LMNB1: variants seen among roughly 807,000 people sequenced by gnomAD.
LMNB1 encodes the protein lamin-B1.
Under a neutral mutation model 67.1 loss-of-function variants are expected in LMNB1, and 23 were observed. The ratio of observed to expected loss-of-function variants is 0.34; its 90% CI spans 0.25 to 0.49. The LOEUF is 0.49. LMNB1 is among the 20% of genes least tolerant of loss of function. LMNB1 has a pLI of 0.99. For missense variants in LMNB1, 634 were observed against 746.5 expected, an observed-to-expected ratio of 0.85 and a Z score of 1.76; for synonymous variants, 281 against 282.9, an observed-to-expected ratio of 0.99 and a Z score of 0.07.
chr5:126,794,465 A>C (rs1751039974), intron 1 of LMNB1, among the ~76,000 whole-genome samples: 1 of 152,232 alleles, frequency 6.6e-6, no homozygotes, highest in South Asian at 2.1e-4. Flanking sequence ...ATTTTACTTT[A>C]AATTGAAAAT....
chr5:126,812,425 T>C (rs1317737654), intron 5 of LMNB1, among the ~76,000 whole-genome samples: 1 of 152,260 alleles, frequency 6.6e-6, no homozygotes, highest in African/African-American at 2.4e-5. Flanking sequence ...CATTCGTTGG[T>C]ACGCCTAAGT....
chr5:126,797,657 A>G (rs1751136749), intron 1 of LMNB1, among the ~76,000 whole-genome samples: 1 of 152,194 alleles, frequency 6.6e-6, no homozygotes, highest in Admixed American at 6.5e-5. Flanking sequence ...TTACACTTGG[A>G]CTTTCTACAT....
intron 2 of LMNB1, 112 bp downstream of exon 2, chr5:126,805,044 T>G (rs1172769452): frequency 2.0e-6 from 2 of 1,008,650 alleles, no homozygotes; most frequent in African/African-American, 3.3e-5. Flanking sequence ...TTTTGAAATT[T>G]TATATATTTG....
chr5:126,796,443 A>G (rs1038062117), intron 1 of LMNB1, among the ~76,000 whole-genome samples: 2 of 152,194 alleles, frequency 1.3e-5, no homozygotes, highest in Non-Finnish European at 2.9e-5. Flanking sequence ...AAGTAGTTCA[A>G]TGCAGAAGCC....
In LMNB1 at chr5:126,787,524, G is replaced by GTATATA. The variant is rs1179342923; in HGVS notation, c.359+9675_359+9680dup. 3.0e-3 allele frequency among the ~76,000 whole-genome samples: 261 copies of GTATATA among 87,430 alleles called. 2 individuals carry two copies. In the Middle Eastern group the frequency reaches 0.032, roughly 11 times the overall value. The allele number at this position is 87,430 out of a possible 152,430, so 57.4% of individuals were successfully genotyped here. A position where few individuals can be genotyped will look rare whatever the true frequency, so the allele number is the denominator to read the frequency against. On this transcript the variant is annotated intron_variant, in intron 1 of 10. Transcript: ENST00000261366. ...TTATATATAACGTGTGTGTGTGGGG[G>GTATATA]TATATATATATATATATATATATTT...
In LMNB1 at chr5:126,836,760, T is replaced by A. The variant is rs1228020671; in HGVS notation, c.*496T>A. Reference sequence around the variant, plus strand: ...TGTAATAAGCAATCAAGGTTATAATTTTTTTTAAAATAGAAATTTTGTAAG... The same window carrying A: ...TGTAATAAGCAATCAAGGTTATAATATTTTTTAAAATAGAAATTTTGTAAG... On this transcript the variant is annotated 3_prime_UTR_variant, in exon 11 of 11. Coordinates refer to ENST00000261366, the MANE Select transcript of LMNB1 (RefSeq NM_005573.4). The A allele has an allele frequency of 7.6e-6, 3 of 395,438 alleles. No individual in the cohort carries two copies. The highest frequency in any genetic ancestry group is 6.3e-4 in the Middle Eastern group (1 of 1,590). The allele number at this position is 395,438 out of a possible 1,614,324, so 24.5% of individuals were successfully genotyped here.
chr5:126,805,579 C>T lies in LMNB1; in HGVS notation c.525C>T (p.Ala175=), dbSNP rs200163929. The T allele has an allele frequency of 6.2e-7, 1 of 1,605,212 alleles. No individual in the cohort carries two copies. The highest frequency in any genetic ancestry group is 2.2e-5 in the East Asian group (1 of 44,808). ...CTTTTTCCTTGTAATAGTTGGAAGC[C>T]TCCTTAGCTGCAGCCAAAAAACAGT... ...DLKDQIAQLE[A]SLAAAKKQLA... is the part of the protein sequence containing the mutation. Residue 175 remains alanine, a synonymous_variant, in exon 3 of 11, where the codon GCC becomes GCT. Coordinates refer to ENST00000261366, the MANE Select transcript of LMNB1 (RefSeq NM_005573.4).
chr5:126,803,562 T>A (rs187443461), intron 1 of LMNB1, among the ~76,000 whole-genome samples: 49 of 151,490 alleles, frequency 3.2e-4, no homozygotes, highest in African/African-American at 1.1e-3. Flanking sequence ...TGTTTGTTTT[T>A]TTGATACAAG....
intron 8 of LMNB1, among the ~76,000 whole-genome samples, chr5:126,824,037 C>T (rs1035392654): frequency 6.6e-5 from 10 of 152,190 alleles, no homozygotes; most frequent in Admixed American, 1.3e-4. Context: ...TATACTACCT[C>T]AGGGACTAAA....
chr5:126,830,943 A>G (rs998659259), intron 9 of LMNB1, among the ~76,000 whole-genome samples: 3 of 152,222 alleles, frequency 2.0e-5, no homozygotes, highest in Non-Finnish European at 4.4e-5. Flanking sequence ...GATATTTGTG[A>G]AATGGCTATT....
At chr5:126,810,152 G>T in intron 3 of LMNB1, 28 bp from the exon 4 acceptor site, 1 of 1,593,352 alleles carries the variant, frequency 6.3e-7, no homozygotes, top group Non-Finnish European at 8.6e-7. Context: ...TAAGTAGCTT[G>T]GCTTTATGCT....
At position 126,804,658 on chromosome 5, in the gene LMNB1, A is replaced by G. The variant is rs968355; in HGVS notation, c.360-118A>G. The G allele has an allele frequency of 0.42, 340,682 of 815,310 alleles. 72,516 individuals carry two copies. The highest frequency in any genetic ancestry group is 0.48 in the South Asian group (21,681 of 45,074). The allele number at this position is 815,310 out of a possible 1,614,324, so 50.5% of individuals were successfully genotyped here. A position where few individuals can be genotyped will look rare whatever the true frequency, so the allele number is the denominator to read the frequency against. ...CTTGTGAATTGCTTCTCTAATTTTG[A>G]TAGGTGATGGGAGCCTTTATTTAAA... On this transcript the variant is annotated intron_variant, in intron 1 of 10. Transcript: ENST00000261366.
At chr5:126,825,397 C>T (rs1447243425) in intron 8 of LMNB1, among the ~76,000 whole-genome samples, 1 of 152,192 alleles carries the variant, frequency 6.6e-6, no homozygotes, top group African/African-American at 2.4e-5. Flanking sequence ...CTCAGATACT[C>T]TAGGGTATTG....
intron 5 of LMNB1, among the ~76,000 whole-genome samples, chr5:126,816,134 G>A (rs1375682583): frequency 6.6e-6 from 1 of 151,678 alleles, no homozygotes; most frequent in Non-Finnish European, 1.5e-5. Flanking sequence ...GAAAATACAA[G>A]GAACATGGTA....
At position 126,822,790 on chromosome 5, in the gene LMNB1, A is replaced by C; in HGVS notation, c.1396A>C (p.Met466Leu). The C allele has an allele frequency of 6.2e-7, 1 of 1,606,178 alleles. No homozygotes were observed. The highest frequency in any genetic ancestry group is 8.5e-7 in the Non-Finnish European group (1 of 1,173,022). Residue 466 changes from methionine (M) to leucine (L), a missense_variant, in exon 8 of 11, where the codon ATG becomes CTG. By Grantham distance (15) the Met-to-Leu change is conservative. Transcript: ENST00000261366. ...LKNTSEQDQP[M>L]GGWEMIRKIG... ...TCCTTTCTGTGTGTAGGATCAACCAATGGGAGGCTGGGAGATGATCAGAAA... is the reference window on the plus strand; with the variant it reads ...TCCTTTCTGTGTGTAGGATCAACCACTGGGAGGCTGGGAGATGATCAGAAA...
upstream of LMNB1, chr5:126,776,932 C>T (rs554454508): frequency 1.1e-4 from 17 of 152,548 alleles, no homozygotes; most frequent in East Asian, 3.3e-3. Context: ...TGACGGTTGC[C>T]CAAGGGCCAG....
chr5:126,831,832 A>G (rs1225965047), intron 9 of LMNB1, among the ~76,000 whole-genome samples: 1 of 152,234 alleles, frequency 6.6e-6, no homozygotes, highest in East Asian at 1.9e-4. Context: ...ACTTCTCAGC[A>G]GATATTTCGA....
intron 9 of LMNB1, among the ~76,000 whole-genome samples, chr5:126,831,866 C>T (rs540994015): frequency 6.6e-6 from 1 of 152,296 alleles, no homozygotes; most frequent in African/African-American, 2.4e-5. Flanking sequence ...TCCTCCCCTG[C>T]AGGAAATATG....
At chr5:126,823,095 T>C (rs1751910879) in intron 8 of LMNB1, among the ~76,000 whole-genome samples, 1 of 152,222 alleles carries the variant, frequency 6.6e-6, no homozygotes, top group Non-Finnish European at 1.5e-5. Flanking sequence ...ATTTTTATCT[T>C]GTCTATTCCA....
Sources: allele counts gnomAD v4.1 joint callset (sites outside exome capture counted in the v4.1 genomes callset), GRCh38; gene constraint gnomAD v4.1.1; transcripts MANE v1.5; gene names NCBI Gene and HGNC (gene_info 2026-07-23, HGNC 2026-07-21).